INSR: variants seen among roughly 807,000 people sequenced by gnomAD.
The protein encoded by INSR is IR.
INSR carries 67 observed loss-of-function variants against 142.6 expected under a neutral mutation model. That is an observed-to-expected ratio of 0.47 (90% CI 0.39 to 0.58). The LOEUF (loss-of-function observed/expected upper bound fraction) is 0.58. INSR is among the 20% of genes least tolerant of loss of function. The pLI, the probability that INSR is intolerant of heterozygous loss-of-function variation, is 0.00. For missense variants in INSR, 1,248 were observed against 1,833.2 expected, an observed-to-expected ratio of 0.68 and a Z score of 5.83; for synonymous variants, 756 against 743.1, an observed-to-expected ratio of 1.02 and a Z score of -0.28.
chr19:7,126,432 C>T, intron 16 of INSR, 152 bp downstream of exon 16: 1 of 730,552 alleles, frequency 1.4e-6, no homozygotes, highest in Admixed American at 2.0e-5. Flanking sequence ...AATGAGGTTT[C>T]TGCAGCAAGG....
chr19:7,255,092 A>T (rs1047334392), intron 2 of INSR, among the ~76,000 whole-genome samples: 4 of 143,458 alleles, frequency 2.8e-5, no homozygotes, highest in Non-Finnish European at 4.5e-5. Context: ...TATCTTCACC[A>T]CTCAAGATTT....
Position 7,192,333 on chromosome 19 carries a change from G to T in INSR, c.653-7696C>A, listed in dbSNP as rs1974626355. On this transcript the variant is annotated intron_variant, in intron 2 of 21. Coordinates refer to ENST00000302850, the MANE Select transcript of INSR (RefSeq NM_000208.4). This position sits in a 1 kb window ranked among gnomAD's most constrained non-coding sequence, Gnocchi z 4.2. ...AAAAAAATCACAGGCAGCCCAGGCT[G>T]GGGAAAGGGCATGACACAGATGAAC... Among the ~76,000 whole-genome samples, 1 of 151,606 alleles carries T rather than the reference G, an allele frequency of 6.6e-6. No individual in the cohort carries two copies. Among genetic ancestry groups the T allele is most frequent in the Non-Finnish European group, 1.5e-5 (1 of 67,884 alleles).
intron 2 of INSR, among the ~76,000 whole-genome samples, chr19:7,235,087 T>TA (rs1242576255): frequency 1.3e-5 from 2 of 149,478 alleles, no homozygotes; most frequent in African/African-American, 5.0e-5. Context: ...AATAACAAAA[T>TA]AAAAAAAATT....
At chr19:7,130,138 T>C (rs1241469699) in intron 14 of INSR, among the ~76,000 whole-genome samples, 1 of 152,222 alleles carries the variant, frequency 6.6e-6, no homozygotes, top group Non-Finnish European at 1.5e-5. Context: ...AGTGGTTCTG[T>C]TATTATCTCC....
At chr19:7,124,384 A>C (rs973185657) in intron 17 of INSR, among the ~76,000 whole-genome samples, 2 of 142,472 alleles carry the variant, frequency 1.4e-5, no homozygotes, top group African/African-American at 5.2e-5. Flanking sequence ...AAAAAAAAAA[A>C]AACAATCAGC....
chr19:7,151,499 C>A (rs1973359889), intron 10 of INSR, among the ~76,000 whole-genome samples: 1 of 149,256 alleles, frequency 6.7e-6, no homozygotes, highest in African/African-American at 2.5e-5. Flanking sequence ...GTTGCTCAGG[C>A]TGGTCTCCAC....
At chr19:7,293,608 C>T (rs1968555794) in intron 1 of INSR, among the ~76,000 whole-genome samples, 184 bp downstream of exon 1, 1 of 152,168 alleles carries the variant, frequency 6.6e-6, no homozygotes, top group South Asian at 2.1e-4. Context: ...CGAGCCCGGG[C>T]GGGCAAAGGC....
intron 2 of INSR, among the ~76,000 whole-genome samples, chr19:7,245,790 A>T (rs756060673): frequency 1.6e-4 from 24 of 152,144 alleles, no homozygotes; most frequent in Non-Finnish European, 2.5e-4. Context: ...AAACAAAACT[A>T]AAAAAACACA....
In INSR at chr19:7,290,856, G is replaced by C. The variant is rs1037830196; in HGVS notation, c.100+2936C>G. Among the ~76,000 whole-genome samples the C allele has an allele frequency of 4.0e-5, 6 of 151,344 alleles. 1 individual carries two copies. The East Asian group carries it at 9.7e-4, about 24-fold the overall frequency. ...GGAGGCCGAGGCGGGTGGATCACAA[G>C]ATCAGGAGGTCGAGACCATCCTGGC... is the stretch of plus-strand genomic sequence containing the variant. On this transcript the variant is annotated intron_variant, in intron 1 of 21. Coordinates refer to ENST00000302850, the MANE Select transcript of INSR (RefSeq NM_000208.4).
At chr19:7,199,560 CTTTTTTTTT>C (rs3084138) in intron 2 of INSR, among the ~76,000 whole-genome samples, 1 of 78,688 alleles carries the variant, frequency 1.3e-5, no homozygotes, top group Non-Finnish European at 2.2e-5. Context: ...ACTGCGACAG[CTTTTTTTTT>C]TTTTTTTTTT....
rs952213678 is a variant in INSR at position 7,172,203 on chromosome 19, C to A, written c.1268+87G>T. Reference sequence around the variant, plus strand: ...CTGGGATTACAGGCATCAGCCACCACACCTGGCCAAAAAAATCCTTAAGTT... The same window carrying A: ...CTGGGATTACAGGCATCAGCCACCAAACCTGGCCAAAAAAATCCTTAAGTT... On this transcript the variant is annotated intron_variant, in intron 5 of 21. Transcript: ENST00000302850. 2.0e-6 allele frequency: 3 copies of A among 1,490,030 alleles called. No individual in the cohort carries two copies. In the African/African-American group the frequency reaches 4.1e-5, roughly 21 times the overall value. 92.3% of individuals were successfully genotyped at this position (1,490,030 alleles called of 1,614,324 possible). A position where few individuals can be genotyped will look rare whatever the true frequency, so the allele number is the denominator to read the frequency against.
At chr19:7,252,176 G>A (rs1450306842) in intron 2 of INSR, among the ~76,000 whole-genome samples, 2 of 152,068 alleles carry the variant, frequency 1.3e-5, no homozygotes, top group South Asian at 2.1e-4. Flanking sequence ...TTGGGAGGTC[G>A]AGGTGGGTGG....
At chr19:7,149,936 A>AGAAGGAAGGAAGGAAGGAAGGAAGGAAG (rs71177162) in intron 11 of INSR, among the ~76,000 whole-genome samples, 39 of 144,278 alleles carry the variant, frequency 2.7e-4, no homozygotes, top group African/African-American at 8.5e-4. Context: ...AAAAAAAGAA[A>AGAAGGAAGGAAGGAAGGAAGGAAGGAAG]GAAGGAAGGA....
At chr19:7,231,310 T>G (rs974496767) in intron 2 of INSR, among the ~76,000 whole-genome samples, 91 of 150,208 alleles carry the variant, frequency 6.1e-4, no homozygotes, top group African/African-American at 2.1e-3. Context: ...TTTTTTTTTT[T>G]TTTTTTTTGA....
chr19:7,128,789 A>G, intron 15 of INSR, 63 bp downstream of exon 15: 1 of 1,097,224 alleles, frequency 9.1e-7, no homozygotes, highest in Non-Finnish European at 1.4e-6. Flanking sequence ...TACCTATATC[A>G]AGGCATGTTT....
rs537035584 is a variant in INSR at position 7,133,525 on chromosome 19, C to G, written c.2683-1208G>C. On this transcript the variant is annotated intron_variant, in intron 13 of 21. Transcript: ENST00000302850. Reference sequence around the variant, plus strand: ...TTCCTCCCATCTGAAACTTTGCACCCTTTGGTTCACGTCTCTCCTTGTTTT... The same window carrying G: ...TTCCTCCCATCTGAAACTTTGCACCGTTTGGTTCACGTCTCTCCTTGTTTT... Among the ~76,000 whole-genome samples the G allele has an allele frequency of 1.6e-4, 25 of 152,292 alleles. No individual in the cohort carries two copies. The South Asian group carries it at 5.0e-3, about 30-fold the overall frequency.
intron 2 of INSR, among the ~76,000 whole-genome samples, chr19:7,218,673 T>C (rs1975510049): frequency 6.6e-6 from 1 of 152,166 alleles, no homozygotes; most frequent in Non-Finnish European, 1.5e-5. Context: ...CCCAAGTCCC[T>C]GGGATCAGAG....
intron 2 of INSR, among the ~76,000 whole-genome samples, chr19:7,210,938 G>C (rs539643329): frequency 1.3e-5 from 2 of 151,766 alleles, no homozygotes; most frequent in African/African-American, 4.8e-5. Flanking sequence ...CCATGTTGGC[G>C]AGGCTGGTCT....
At chr19:7,170,956 T>C (rs1974003496) in intron 5 of INSR, among the ~76,000 whole-genome samples, 1 of 152,136 alleles carries the variant, frequency 6.6e-6, no homozygotes, top group Non-Finnish European at 1.5e-5. Context: ...GAGGCTCAGC[T>C]CAGTCTTGAA....
Sources: gnomAD v4.1 joint callset for allele counts (sites outside exome capture counted in the v4.1 genomes callset) on GRCh38, gnomAD v4.1.1 for gene constraint, Gnocchi (gnomAD v3.1) non-coding constraint, MANE v1.5 for transcripts, NCBI Gene and HGNC (gene_info 2026-07-23, HGNC 2026-07-21) for gene names.